RANBP9: variants seen among roughly 807,000 people sequenced by gnomAD.
RANBP9 encodes RAN binding protein 9.
RANBP9 carries 15 observed loss-of-function variants against 84.3 expected under a neutral mutation model. The observed-to-expected ratio is 0.18, with a 90% CI of 0.12 to 0.27. RANBP9 has a LOEUF of 0.27. RANBP9 is among the 10% of genes least tolerant of loss of function. RANBP9 has a pLI of 1.00. For synonymous variants in RANBP9, 392 were observed against 349.6 expected (o/e 1.12, Z -1.35); for missense variants, 809 against 912.8 (o/e 0.89, Z 1.46).
intron 5 of RANBP9, among the ~76,000 whole-genome samples, chr6:13,645,315 A>T (rs1244294737): frequency 2.0e-5 from 3 of 152,188 alleles, no homozygotes; most frequent in Non-Finnish European, 4.4e-5. Flanking sequence ...ATATTAAAAA[A>T]AAAACACAAA....
chr6:13,640,352 T>TA (rs891739435), intron 8 of RANBP9, among the ~76,000 whole-genome samples: 9 of 151,112 alleles, frequency 6.0e-5, no homozygotes, highest in East Asian at 3.9e-4. Flanking sequence ...TGGCTATTAT[T>TA]AAAAAAAAAT....
intron 1 of RANBP9, among the ~76,000 whole-genome samples, chr6:13,700,510 T>G (rs1757942614): frequency 6.6e-6 from 1 of 152,170 alleles, no homozygotes; most frequent in South Asian, 2.1e-4. Context: ...TACTCACACT[T>G]TAAATCTTAG....
chr6:13,664,720 C>T (rs1300377972), intron 2 of RANBP9, among the ~76,000 whole-genome samples: 2 of 152,088 alleles, frequency 1.3e-5, no homozygotes, highest in Admixed American at 6.5e-5. Flanking sequence ...TGTATTATCA[C>T]TGTACCCCCA....
chr6:13,667,271 C>G (rs1765672580), intron 2 of RANBP9, among the ~76,000 whole-genome samples: 1 of 152,118 alleles, frequency 6.6e-6, no homozygotes, highest in Admixed American at 6.5e-5. Flanking sequence ...TGCTATCTGT[C>G]CATCTGTTCT....
chr6:13,697,154 C>A (rs1443884810), intron 1 of RANBP9, among the ~76,000 whole-genome samples: 2 of 152,086 alleles, frequency 1.3e-5, no homozygotes, highest in African/African-American at 4.8e-5. Context: ...AACCTAGCAG[C>A]CTTTTATGCA....
At chr6:13,710,655 C>T (rs184720611) in intron 1 of RANBP9, among the ~76,000 whole-genome samples, 1 of 152,332 alleles carries the variant, frequency 6.6e-6, no homozygotes, top group East Asian at 1.9e-4. Flanking sequence ...TCCTGTCATC[C>T]CGGATTCCCT....
At chr6:13,646,606 T>G (rs1469021775) in intron 5 of RANBP9, among the ~76,000 whole-genome samples, 1 of 152,206 alleles carries the variant, frequency 6.6e-6, no homozygotes, top group Non-Finnish European at 1.5e-5. Context: ...CATCTAAATT[T>G]TCTTACAAAT....
Position 13,711,411 on chromosome 6 carries a change from C to G in RANBP9, c.95G>C (p.Gly32Ala), listed in dbSNP as rs910377412. ...PPPAALAPVS[G>A]VVLPAPPAVS... ...GGCCGGGGGCGCCGGCAGGACGACT[C>G]CGGAGACTGGGGCCAAGGCCGCCGG... Residue 32 changes from glycine (G) to alanine (A), a missense_variant, in exon 1 of 14, where the codon GGA becomes GCA. By Grantham distance (60) the Gly-to-Ala change is moderately conservative. Coordinates refer to ENST00000011619, the MANE Select transcript of RANBP9 (RefSeq NM_005493.3). The G allele has an allele frequency of 5.1e-6, 6 of 1,187,140 alleles. No homozygotes were observed. The African/African-American group carries it at 9.6e-5, about 19-fold the overall frequency. 73.5% of individuals were successfully genotyped at this position (1,187,140 alleles called of 1,614,324 possible).
At chr6:13,666,600 C>CAAAAAAAAAAAAAAAAAAAAAAAAAAAA (rs70989878) in intron 2 of RANBP9, among the ~76,000 whole-genome samples, 10 of 43,696 alleles carry the variant, frequency 2.3e-4, no homozygotes, top group African/African-American at 3.8e-4. Flanking sequence ...CCCGTCTCTC[C>CAAAAAAAAAAAAAAAAAAAAAAAAAAAA]AAAAAAAAAA....
At chr6:13,688,843 T>A (rs139893730) in intron 2 of RANBP9, among the ~76,000 whole-genome samples, 41 of 151,744 alleles carry the variant, frequency 2.7e-4, no homozygotes, top group Middle Eastern at 3.4e-3. Flanking sequence ...GTATCATATA[T>A]CTTCCCTACT....
At chr6:13,699,500 A>C (rs576487127) in intron 1 of RANBP9, among the ~76,000 whole-genome samples, 1 of 152,308 alleles carries the variant, frequency 6.6e-6, no homozygotes, top group Admixed American at 6.5e-5. Flanking sequence ...CAGATTTTAC[A>C]ATATTTGTGC....
At position 13,622,093 on chromosome 6, in the gene RANBP9, A is replaced by T; in HGVS notation, c.*269T>A. 4.7e-6 allele frequency: 1 copy of T among 211,900 alleles called. No homozygotes were observed. The highest frequency in any genetic ancestry group is 9.0e-6 in the Non-Finnish European group (1 of 110,678). The allele number at this position is 211,900 out of a possible 1,614,324, so 13.1% of individuals were successfully genotyped here. Reference sequence around the variant, plus strand: ...TTGGTTTCTTTTAGGTAATTGTTTTAAAGGATTTGTGATGATCAATTTGAA... The same window carrying T: ...TTGGTTTCTTTTAGGTAATTGTTTTTAAGGATTTGTGATGATCAATTTGAA... On this transcript the variant is annotated 3_prime_UTR_variant, in exon 14 of 14. Coordinates refer to ENST00000011619, the MANE Select transcript of RANBP9 (RefSeq NM_005493.3).
At chr6:13,639,471 C>A in intron 9 of RANBP9, 92 bp downstream of exon 9, 4 of 1,371,292 alleles carry the variant, frequency 2.9e-6, no homozygotes, top group Non-Finnish European at 4.0e-6. Flanking sequence ...AGCCACCGTG[C>A]CCAGCTGGAA....
intron 5 of RANBP9, 132 bp from the exon 6 acceptor site, chr6:13,644,861 A>T (rs1165384003): frequency 2.4e-5 from 18 of 763,064 alleles, no homozygotes; most frequent in Non-Finnish European, 3.5e-5. Flanking sequence ...AAATATTAGA[A>T]GGCTAAAACA....
intron 12 of RANBP9, among the ~76,000 whole-genome samples, chr6:13,627,630 CAAAAAAA>C (rs35401168): frequency 9.0e-5 from 6 of 66,410 alleles, no homozygotes; most frequent in Non-Finnish European, 1.8e-4. Flanking sequence ...ACTCCATCTC[CAAAAAAA>C]AAAAAAAAAA....
At chr6:13,656,971 T>C in intron 4 of RANBP9, 138 bp downstream of exon 4, 3 of 776,466 alleles carry the variant, frequency 3.9e-6, no homozygotes, top group Non-Finnish European at 5.9e-6. Context: ...CCTCAGCTTC[T>C]GTCTGGGAAA....
intron 2 of RANBP9, among the ~76,000 whole-genome samples, chr6:13,688,982 CAAAAA>C (rs1164073062): frequency 3.7e-4 from 11 of 29,952 alleles, no homozygotes; most frequent in Admixed American, 9.7e-4. Flanking sequence ...CCCATCTCCA[CAAAAA>C]AAAAAAAAAA....
intron 2 of RANBP9, among the ~76,000 whole-genome samples, chr6:13,669,176 G>T (rs1004922784): frequency 2.6e-5 from 4 of 151,894 alleles, no homozygotes; most frequent in African/African-American, 9.7e-5. Flanking sequence ...AACAAAAGAA[G>T]TGTGAAATCT....
Position 13,705,868 on chromosome 6 carries a change from C to CAAAAAAAAA in RANBP9, c.571+5058_571+5066dup, listed in dbSNP as rs767070995. On this transcript the variant is annotated intron_variant, in intron 1 of 13. Coordinates refer to ENST00000011619, the MANE Select transcript of RANBP9 (RefSeq NM_005493.3). The stretch of plus-strand genomic sequence containing the variant: ...TGGGCGACAGAGCAAGACTCCGTCT[C>CAAAAAAAAA]AAAAAAAAAAAAAAAAAAGAAACAT... Among the ~76,000 whole-genome samples the CAAAAAAAAA allele has an allele frequency of 2.0e-3, 155 of 76,718 alleles. 6 individuals are homozygous for CAAAAAAAAA. Among genetic ancestry groups the CAAAAAAAAA allele is most frequent in the African/African-American group, 7.3e-3 (137 of 18,864 alleles). The allele number at this position is 76,718 out of a possible 152,430, so 50.3% of individuals were successfully genotyped here. A position where few individuals can be genotyped will look rare whatever the true frequency, so the allele number is the denominator to read the frequency against.
Sources: gnomAD v4.1 joint callset for allele counts (sites outside exome capture counted in the v4.1 genomes callset) on GRCh38, gnomAD v4.1.1 for gene constraint, MANE v1.5 for transcripts, NCBI Gene and HGNC (gene_info 2026-07-23, HGNC 2026-07-21) for gene names.